The following PARD3 variants were observed in gnomAD, a reference collection of about 807,000 sequenced individuals.
PARD3 encodes the protein partitioning defective 3 homolog.
Under a neutral mutation model 155.4 loss-of-function variants are expected in PARD3, and 75 were observed. The ratio of observed to expected loss-of-function variants is 0.48; its 90% CI spans 0.40 to 0.58. The LOEUF (loss-of-function observed/expected upper bound fraction) is 0.58. Ranked by LOEUF, PARD3 falls within the 20% of genes least tolerant of loss-of-function variation. PARD3 has a pLI of 0.00. For synonymous variants in PARD3, 576 were observed against 610.5 expected, an observed-to-expected ratio of 0.94 and a Z score of 0.83; for missense variants, 1,642 against 1,721.7, an observed-to-expected ratio of 0.95 and a Z score of 0.82.
At chr10:34,581,529 C>T (rs917781883) in intron 2 of PARD3, among the ~76,000 whole-genome samples, 3 of 152,036 alleles carry the variant, frequency 2.0e-5, no homozygotes, top group South Asian at 2.1e-4. Flanking sequence ...CCACCGCGCC[C>T]GGCCTATTTA....
intron 22 of PARD3, among the ~76,000 whole-genome samples, chr10:34,166,092 T>A (rs1263540135): frequency 6.6e-6 from 1 of 152,204 alleles, no homozygotes; most frequent in Non-Finnish European, 1.5e-5. Flanking sequence ...GACTTACAGA[T>A]ATGAAGTACT....
intron 3 of PARD3, among the ~76,000 whole-genome samples, chr10:34,497,430 A>G (rs1276722721): frequency 6.6e-6 from 1 of 152,198 alleles, no homozygotes; most frequent in Non-Finnish European, 1.5e-5. Context: ...GAAACTGAGC[A>G]TCTTCAGATT....
intron 2 of PARD3, chr10:34,675,811 G>T: frequency 5.3e-6 from 1 of 189,566 alleles, no homozygotes; most frequent in South Asian, 1.0e-4. Flanking sequence ...ACCTTAATTA[G>T]GCTAATCTGG....
intron 2 of PARD3, among the ~76,000 whole-genome samples, chr10:34,523,868 T>A (rs2133719826): frequency 6.6e-6 from 1 of 152,318 alleles, no homozygotes; most frequent in African/African-American, 2.4e-5. Flanking sequence ...TCTCCATAGT[T>A]TATAAATTAT....
At chr10:34,695,477 C>CA (rs60331770) in intron 2 of PARD3, among the ~76,000 whole-genome samples, 70,847 of 109,300 alleles carry the variant, frequency 0.65, 22,192 homozygotes, top group Non-Finnish European at 0.68. Flanking sequence ...GACTCCATCT[C>CA]AAAAAAAAAA....
intron 2 of PARD3, among the ~76,000 whole-genome samples, chr10:34,579,552 C>CTGTGTGTGTG (rs1316450167): frequency 5.3e-4 from 33 of 62,508 alleles, no homozygotes; most frequent in African/African-American, 1.4e-3. Context: ...CTACCATTTT[C>CTGTGTGTGTG]TCTGTGTGTG....
chr10:34,612,210 C>T (rs758931551), intron 2 of PARD3, among the ~76,000 whole-genome samples: 143 of 152,016 alleles, frequency 9.4e-4, no homozygotes, highest in Non-Finnish European at 1.7e-3. Flanking sequence ...TAACCATAGG[C>T]TAGAAATGTG....
chr10:34,220,280 A>G (rs1212808463), intron 22 of PARD3, among the ~76,000 whole-genome samples: 1 of 152,198 alleles, frequency 6.6e-6, no homozygotes, highest in Non-Finnish European at 1.5e-5. Flanking sequence ...AGGGAGTGAC[A>G]TCCCGCGTTT....
chr10:34,514,597 C>A (rs1457293075), intron 3 of PARD3, among the ~76,000 whole-genome samples: 1 of 152,174 alleles, frequency 6.6e-6, no homozygotes, highest in Non-Finnish European at 1.5e-5. Flanking sequence ...CTTAGCATAC[C>A]AAAATGAGAA....
At chr10:34,665,854 A>ACAGAACAGAG (rs1287776427) in intron 2 of PARD3, among the ~76,000 whole-genome samples, 1 of 133,934 alleles carries the variant, frequency 7.5e-6, no homozygotes, top group African/African-American at 3.2e-5. Context: ...ACAGAACAGA[A>ACAGAACAGAG]CAGAACAGAA....
At chr10:34,614,339 T>C (rs1037017585) in intron 2 of PARD3, among the ~76,000 whole-genome samples, 5 of 151,978 alleles carry the variant, frequency 3.3e-5, no homozygotes, top group African/African-American at 7.3e-5. Context: ...ATTGAAAATA[T>C]CAAGAAGTTC....
At chr10:34,753,399 T>C (rs1448942021) in intron 1 of PARD3, among the ~76,000 whole-genome samples, 1 of 152,200 alleles carries the variant, frequency 6.6e-6, no homozygotes, top group Non-Finnish European at 1.5e-5. Context: ...ATTCATTTCG[T>C]CCTTACTATC....
chr10:34,355,520 A>T (rs746718637), intron 14 of PARD3, among the ~76,000 whole-genome samples: 38 of 152,306 alleles, frequency 2.5e-4, no homozygotes, highest in Non-Finnish European at 4.9e-4. Flanking sequence ...GGACAGAGGG[A>T]TCTGGTGCCA....
intron 22 of PARD3, among the ~76,000 whole-genome samples, chr10:34,242,601 C>T (rs778643808): frequency 7.9e-5 from 12 of 152,058 alleles, no homozygotes; most frequent in East Asian, 1.9e-4. Flanking sequence ...CAATATTTCA[C>T]GAACAAAAGT....
intron 22 of PARD3, among the ~76,000 whole-genome samples, chr10:34,151,128 C>CAA (rs1282471167): frequency 1.3e-5 from 2 of 151,760 alleles, no homozygotes; most frequent in African/African-American, 4.8e-5. Context: ...CTTCAATATA[C>CAA]ACCAATACTT....
intron 3 of PARD3, among the ~76,000 whole-genome samples, chr10:34,474,882 T>C (rs1308823029): frequency 6.6e-6 from 1 of 152,224 alleles, no homozygotes; most frequent in Admixed American, 6.5e-5. Flanking sequence ...ACGATTTCAT[T>C]TTGGGAAGAG....
chr10:34,467,114 AG>A (rs1372447852), intron 4 of PARD3, among the ~76,000 whole-genome samples: 1 of 152,132 alleles, frequency 6.6e-6, no homozygotes, highest in African/African-American at 2.4e-5. Context: ...ATTATATTTA[AG>A]GATGTCTCAC....
At chr10:34,696,585 G>A (rs957430184) in intron 1 of PARD3, among the ~76,000 whole-genome samples, 166 bp from the exon 2 acceptor site, 3 of 151,676 alleles carry the variant, frequency 2.0e-5, no homozygotes, top group Non-Finnish European at 4.4e-5. Context: ...TTGGTATTGA[G>A]TCACTGCTCC....
chr10:34,235,534 T>C (rs1209781187), intron 22 of PARD3, among the ~76,000 whole-genome samples: 1 of 152,248 alleles, frequency 6.6e-6, no homozygotes, highest in Non-Finnish European at 1.5e-5. Context: ...TGTGGATAAT[T>C]TGCTTTTTTT....
Sources: allele counts gnomAD v4.1 joint callset (sites outside exome capture counted in the v4.1 genomes callset), GRCh38; gene constraint gnomAD v4.1.1; transcripts MANE v1.5; gene names NCBI Gene and HGNC (gene_info 2026-07-23, HGNC 2026-07-21).